Variants in PCDH15 observed in about 807,000 individuals in gnomAD.
PCDH15 encodes protocadherin-15.
A neutral mutation model predicts 178.5 loss-of-function variants in PCDH15; 129 were observed. That is an observed-to-expected ratio of 0.72 (90% CI 0.63 to 0.84). PCDH15 has a LOEUF of 0.84. PCDH15 is among the 40% of genes least tolerant of loss of function. The pLI is 0.00. For missense variants in PCDH15, 2,230 were observed against 2,099.9 expected (o/e 1.06, Z -1.21); for synonymous variants, 800 against 732.0 (o/e 1.09, Z -1.50).
At chr10:54,076,597 A>G (rs2094346238) in intron 17 of PCDH15, among the ~76,000 whole-genome samples, 1 of 152,096 alleles carries the variant, frequency 6.6e-6, no homozygotes, top group Non-Finnish European at 1.5e-5. Context: ...TCGAAAAAGT[A>G]TAGTTTTATC....
chr10:55,227,694 G>A (rs903884923), intron 1 of PCDH15, among the ~76,000 whole-genome samples: 2 of 152,004 alleles, frequency 1.3e-5, no homozygotes, highest in Non-Finnish European at 2.9e-5. Flanking sequence ...AAAAGGAACT[G>A]GAGAAGAAAA....
chr10:53,983,238 G>C (rs1217692839), intron 21 of PCDH15, among the ~76,000 whole-genome samples: 1 of 151,592 alleles, frequency 6.6e-6, no homozygotes, highest in Non-Finnish European at 1.5e-5. Flanking sequence ...GTGTTTGTGT[G>C]TGTGTGTGTG....
At chr10:54,100,373 A>G (rs1175963931) in intron 15 of PCDH15, among the ~76,000 whole-genome samples, 1 of 152,152 alleles carries the variant, frequency 6.6e-6, no homozygotes, top group Admixed American at 6.5e-5. Flanking sequence ...TCAAAAAAAA[A>G]AAAAAGTATT....
intron 3 of PCDH15, among the ~76,000 whole-genome samples, chr10:54,513,894 T>A (rs149444044): frequency 4.6e-5 from 7 of 152,218 alleles, no homozygotes; most frequent in African/African-American, 1.7e-4. Context: ...AATATAATGA[T>A]CCAAATATTC....
chr10:54,189,267 T>TAATAC, intron 11 of PCDH15: 1 of 878,912 alleles, frequency 1.1e-6, no homozygotes, highest in East Asian at 2.7e-5. Flanking sequence ...GATAATGAAG[T>TAATAC]AATACCTACG....
At chr10:54,735,398 T>C (rs996852002) in intron 1 of PCDH15, among the ~76,000 whole-genome samples, 1 of 152,056 alleles carries the variant, frequency 6.6e-6, no homozygotes, top group African/African-American at 2.4e-5. Context: ...CACTTTTTCA[T>C]GTGTTTTACA....
intron 1 of PCDH15, among the ~76,000 whole-genome samples, chr10:54,782,975 A>T (rs1236214225): frequency 2.0e-5 from 3 of 152,092 alleles, no homozygotes; most frequent in African/African-American, 7.2e-5. Context: ...CATCTACAGG[A>T]AAAAAAGTCT....
intron 2 of PCDH15, among the ~76,000 whole-genome samples, chr10:55,405,283 G>GATATATATATATATCTGTTAT (rs1838170126): frequency 9.3e-6 from 1 of 108,086 alleles, no homozygotes; most frequent in Admixed American, 9.4e-5. Flanking sequence ...TGAGGTAACA[G>GATATATATATATATCTGTTAT]ATATATATAT....
At position 55,056,035 on chromosome 10, in the gene PCDH15, C is replaced by T. The variant is rs879739615; in HGVS notation, c.-80+110541G>A. Among the ~76,000 whole-genome samples, 18 of 152,094 alleles carry T rather than the reference C, an allele frequency of 1.2e-4. 1 individual carries two copies. Among genetic ancestry groups the T allele is most frequent in the East Asian group, 3.9e-4 (2 of 5,174 alleles). On this transcript the variant is annotated intron_variant, in intron 2 of 5. Transcript: ENST00000458638. ...TTTCTTCCCTTCTCCATTGTCACAA[C>T]GCTAACCCAATGTACCACCTTGCAA...
chr10:54,571,081 C>T (rs2133573834), intron 2 of PCDH15, among the ~76,000 whole-genome samples: 1 of 151,966 alleles, frequency 6.6e-6, no homozygotes, highest in African/African-American at 2.4e-5. Flanking sequence ...AACTGAGAGC[C>T]CAATGCCCTA....
At chr10:54,401,077 C>T (rs552866382) in intron 3 of PCDH15, among the ~76,000 whole-genome samples, 1 of 151,998 alleles carries the variant, frequency 6.6e-6, no homozygotes, top group African/African-American at 2.4e-5. Context: ...ATTTTAGTAA[C>T]ATTTGTGAAA....
intron 2 of PCDH15, among the ~76,000 whole-genome samples, chr10:54,938,297 G>A (rs1434595476): frequency 7.5e-6 from 1 of 133,616 alleles, no homozygotes; most frequent in African/African-American, 2.6e-5. Flanking sequence ...GTTTAGCATA[G>A]TGTATAGTAC....
intron 29 of PCDH15, among the ~76,000 whole-genome samples, chr10:53,838,053 GC>G (rs1314644262): frequency 6.6e-6 from 1 of 151,724 alleles, no homozygotes; most frequent in Non-Finnish European, 1.5e-5. Context: ...CTTGCTCACT[GC>G]ATGCTCGGCC....
intron 26 of PCDH15, among the ~76,000 whole-genome samples, chr10:53,891,229 C>T (rs1443407779): frequency 6.6e-6 from 1 of 152,132 alleles, no homozygotes; most frequent in African/African-American, 2.4e-5. Flanking sequence ...TGAATTGTGC[C>T]TTGCAATGCA....
At chr10:55,535,734 T>C (rs561259313) in intron 2 of PCDH15, among the ~76,000 whole-genome samples, 1 of 152,164 alleles carries the variant, frequency 6.6e-6, no homozygotes, top group East Asian at 1.9e-4. Context: ...AGAGTGACAA[T>C]GAAAGAACAT....
chr10:54,356,428 T>C (rs1158357809), intron 5 of PCDH15, among the ~76,000 whole-genome samples: 1 of 151,960 alleles, frequency 6.6e-6, no homozygotes, highest in African/African-American at 2.4e-5. Flanking sequence ...TAGTAAGGGC[T>C]GAAGAAGTTT....
At chr10:54,702,152 T>C (rs1397618331) in intron 1 of PCDH15, among the ~76,000 whole-genome samples, 3 of 151,772 alleles carry the variant, frequency 2.0e-5, no homozygotes, top group Non-Finnish European at 4.4e-5. Context: ...ACTAAGAAGA[T>C]CACTCAAAAT....
chr10:55,169,246 A>T (rs1839270607), intron 1 of PCDH15, among the ~76,000 whole-genome samples: 1 of 152,188 alleles, frequency 6.6e-6, no homozygotes, highest in African/African-American at 2.4e-5. Context: ...CTAAACTAGT[A>T]TTAAAATGTA....
chr10:53,912,932 G>A (rs1391963244), intron 25 of PCDH15, among the ~76,000 whole-genome samples: 2 of 151,982 alleles, frequency 1.3e-5, no homozygotes, highest in Non-Finnish European at 2.9e-5. Context: ...ACAGAACTGG[G>A]AAAAACTACT....
Sources: gnomAD v4.1 joint callset for allele counts (sites outside exome capture counted in the v4.1 genomes callset) on GRCh38, gnomAD v4.1.1 for gene constraint, MANE v1.5 for transcripts, NCBI Gene and HGNC (gene_info 2026-07-23, HGNC 2026-07-21) for gene names.